Variants in SMG6 observed in about 807,000 individuals in gnomAD.
SMG6 encodes telomerase-binding protein EST1A.
Under a neutral mutation model 142.2 loss-of-function variants are expected in SMG6, and 66 were observed. The ratio of observed to expected loss-of-function variants is 0.46; its 90% CI spans 0.38 to 0.57. The LOEUF is 0.57. Ranked by LOEUF, SMG6 falls within the 20% of genes least tolerant of loss-of-function variation. The pLI, the probability that SMG6 is intolerant of heterozygous loss-of-function variation, is 0.00. For synonymous variants in SMG6, 779 were observed against 702.4 expected (o/e 1.11, Z -1.72); for missense variants, 1,793 against 1,832.0 (o/e 0.98, Z 0.39).
intron 13 of SMG6, among the ~76,000 whole-genome samples, chr17:2,143,987 A>C (rs2070574648): frequency 6.6e-6 from 1 of 150,730 alleles, no homozygotes; most frequent in Non-Finnish European, 1.5e-5. Flanking sequence ...TCCTGGACTT[A>C]AGGGATCCTC....
At chr17:2,195,493 T>C (rs2072296433) in intron 10 of SMG6, among the ~76,000 whole-genome samples, 1 of 152,216 alleles carries the variant, frequency 6.6e-6, no homozygotes, top group Non-Finnish European at 1.5e-5. Context: ...AACAGAATTA[T>C]AAGCCCCTTG....
intron 8 of SMG6, among the ~76,000 whole-genome samples, chr17:2,267,751 ATTT>A (rs5818852): frequency 7.2e-6 from 1 of 139,118 alleles, no homozygotes; most frequent in Non-Finnish European, 1.6e-5. Context: ...TTTTATTATT[ATTT>A]TTTTTTTTTT....
At chr17:2,296,731 T>A (rs905140460) in intron 4 of SMG6, among the ~76,000 whole-genome samples, 16 of 152,130 alleles carry the variant, frequency 1.1e-4, no homozygotes, top group Admixed American at 2.0e-4. Flanking sequence ...CGGTGGCTCA[T>A]GCCTGCAATC....
intron 15 of SMG6, among the ~76,000 whole-genome samples, chr17:2,077,677 A>G (rs1231082381): frequency 6.6e-6 from 1 of 152,192 alleles, no homozygotes; most frequent in Non-Finnish European, 1.5e-5. Context: ...TTTCACTAAA[A>G]AAGTGTTTAA....
intron 10 of SMG6, among the ~76,000 whole-genome samples, chr17:2,205,747 G>A (rs2072658782): frequency 6.6e-6 from 1 of 152,122 alleles, no homozygotes; most frequent in Non-Finnish European, 1.5e-5. Context: ...CTATGCAAGA[G>A]ATAGTATATG....
intron 12 of SMG6, among the ~76,000 whole-genome samples, chr17:2,179,511 C>T (rs958578364): frequency 2.6e-5 from 4 of 152,152 alleles, no homozygotes; most frequent in African/African-American, 7.2e-5. Flanking sequence ...TCCCTACGAC[C>T]CTTCTCCAGT....
intron 14 of SMG6, among the ~76,000 whole-genome samples, chr17:2,084,443 G>A (rs1382812184): frequency 6.6e-6 from 1 of 152,196 alleles, no homozygotes; most frequent in Admixed American, 6.5e-5. Flanking sequence ...CCTCTGTCCT[G>A]GAAGCTGAGC....
At chr17:2,105,825 A>G (rs1167306290) in intron 13 of SMG6, among the ~76,000 whole-genome samples, 1 of 152,208 alleles carries the variant, frequency 6.6e-6, no homozygotes. Context: ...TGAATATAGG[A>G]AACTAGTAAC....
At chr17:2,094,557 T>C (rs754105920) in intron 13 of SMG6, among the ~76,000 whole-genome samples, 18 of 152,210 alleles carry the variant, frequency 1.2e-4, no homozygotes, top group Non-Finnish European at 2.9e-5. Context: ...CTTATTTTAT[T>C]CTAAGATGGG....
chr17:2,152,098 G>A (rs756922332), intron 13 of SMG6, among the ~76,000 whole-genome samples: 7 of 152,166 alleles, frequency 4.6e-5, no homozygotes, highest in South Asian at 2.1e-4. Flanking sequence ...GGCCTGAGCC[G>A]GAGAGGCCTT....
chr17:2,070,374 C>T (rs2068067355), intron 15 of SMG6, among the ~76,000 whole-genome samples: 1 of 152,232 alleles, frequency 6.6e-6, no homozygotes, highest in South Asian at 2.1e-4. Context: ...CCCACACAAA[C>T]CTGGCGGGGC....
chr17:2,156,481 A>C (rs1274467607), intron 13 of SMG6, among the ~76,000 whole-genome samples: 1 of 150,054 alleles, frequency 6.7e-6, no homozygotes, highest in Non-Finnish European at 1.5e-5. Context: ...CCTCAGGGAA[A>C]TTAGCATCTT....
At chr17:2,127,804 G>C in intron 13 of SMG6, 2 of 550,916 alleles carry the variant, frequency 3.6e-6, no homozygotes, top group Non-Finnish European at 7.2e-6. Context: ...CTTCTCCAAA[G>C]TAATCATATC....
At chr17:2,061,708 T>G (rs914612904) in intron 18 of SMG6, 86 bp from the exon 19 acceptor site, 18 of 1,448,040 alleles carry the variant, frequency 1.2e-5, no homozygotes, top group Non-Finnish European at 1.6e-5. Flanking sequence ...AATGTGGTCC[T>G]GGGGAGGGGG....
chr17:2,279,090 G>C (rs553509121), intron 8 of SMG6, among the ~76,000 whole-genome samples: 1 of 152,174 alleles, frequency 6.6e-6, no homozygotes, highest in Non-Finnish European at 1.5e-5. Context: ...AACCAGAAAT[G>C]TGGTTATTAC....
At chr17:2,282,554 A>T in intron 8 of SMG6, 93 bp downstream of exon 8, 1 of 1,238,506 alleles carries the variant, frequency 8.1e-7, no homozygotes, top group East Asian at 2.3e-5. Context: ...CCTTGCAATC[A>T]GTGGGAAGTA....
chr17:2,086,612 G>C (rs982281350), intron 13 of SMG6, among the ~76,000 whole-genome samples: 1 of 152,228 alleles, frequency 6.6e-6, no homozygotes, highest in Non-Finnish European at 1.5e-5. Flanking sequence ...AGTGCTGTCA[G>C]AGAAGCTTGG....
chr17:2,192,438 G>C lies in SMG6; in HGVS notation c.2870-3923C>G, dbSNP rs573348220. On this transcript the variant is annotated intron_variant, in intron 10 of 18. Transcript: ENST00000263073. ...GACACCTAAGTCTGATGCTCTGATA[G>C]CAGCAGAGGGGATTCTGAGGGCACT... Among the ~76,000 whole-genome samples the C allele has an allele frequency of 3.9e-5, 6 of 152,324 alleles. No homozygotes were observed. The South Asian group carries it at 8.3e-4, about 21-fold the overall frequency.
chr17:2,236,701 T>TCACACA (rs71150853), intron 9 of SMG6, 64 bp from the exon 10 acceptor site: 168 of 958,980 alleles, frequency 1.8e-4, no homozygotes, highest in African/African-American at 7.5e-4. Context: ...TCACTCTGTC[T>TCACACA]CACACACACA....
Sources: gnomAD v4.1 joint callset for allele counts (sites outside exome capture counted in the v4.1 genomes callset) on GRCh38, gnomAD v4.1.1 for gene constraint, MANE v1.5 for transcripts, NCBI Gene and HGNC (gene_info 2026-07-23, HGNC 2026-07-21) for gene names.